The following TSGA10 variants were observed in gnomAD, a reference collection of about 807,000 sequenced individuals.
TSGA10 encodes the protein testis specific 10, also known as testis-specific gene 10 protein.
In TSGA10, 43 loss-of-function variants were observed where a neutral mutation model predicts 96.6. The observed-to-expected ratio is 0.44, with a 90% CI of 0.35 to 0.57. The LOEUF is 0.57. Ranked by LOEUF, TSGA10 falls within the 20% of genes least tolerant of loss-of-function variation. The pLI is 0.01. For missense variants in TSGA10, 703 were observed against 834.4 expected (o/e 0.84, Z 1.94); for synonymous variants, 229 against 269.9 (o/e 0.85, Z 1.48).
rs531091500 is a variant in TSGA10 at position 99,130,407 on chromosome 2, G to A, written c.-620-3231C>T. On this transcript the variant is annotated intron_variant, in intron 1 of 20. Coordinates refer to ENST00000393483, the MANE Select transcript of TSGA10 (RefSeq NM_025244.4). ...GATGAGCTTTTTTTCATGTTTGTTC[G>A]CTGCATAAATGTCTTCTTTTGAGAA... is the stretch of plus-strand genomic sequence containing the variant. Among the ~76,000 whole-genome samples the A allele has an allele frequency of 4.6e-5, 7 of 152,158 alleles. No individual in the cohort carries two copies. In the South Asian group the frequency reaches 6.2e-4, roughly 14 times the overall value.
At chr2:99,153,785 G>A (rs996679334) in intron 1 of TSGA10, among the ~76,000 whole-genome samples, 9 of 152,156 alleles carry the variant, frequency 5.9e-5, no homozygotes, top group African/African-American at 2.2e-4. Flanking sequence ...AAAGAAAGGA[G>A]GTGTCATTAT....
rs547332223 is a variant in TSGA10 at position 99,028,088 on chromosome 2, C to G, written c.1614+7142G>C. The stretch of plus-strand genomic sequence containing the variant: ...TTTACACAGTCATTCTAGCCCCTCC[C>G]GCTAGGATGCAATGGATTTAGCCAG... On this transcript the variant is annotated intron_variant, in intron 17 of 20. Coordinates refer to ENST00000393483, the MANE Select transcript of TSGA10 (RefSeq NM_025244.4). 2.5e-3 allele frequency among the ~76,000 whole-genome samples: 388 copies of G among 152,274 alleles called. 6 individuals are homozygous for G. The highest frequency in any genetic ancestry group is 4.1e-3 in the East Asian group (21 of 5,182).
intron 1 of TSGA10, among the ~76,000 whole-genome samples, chr2:99,144,700 T>C (rs2093614615): frequency 6.9e-6 from 1 of 144,016 alleles, no homozygotes; most frequent in South Asian, 2.3e-4. Context: ...ATAAGTCTGG[T>C]CTCTGTTACT....
chr2:99,023,043 C>T (rs151157097), intron 17 of TSGA10, among the ~76,000 whole-genome samples: 1,632 of 152,122 alleles, frequency 0.011, 9 homozygotes, highest in Middle Eastern at 0.027. Context: ...TTTTTTGAGA[C>T]AAGGTCTCAT....
chr2:99,141,250 C>T (rs1415530280), intron 1 of TSGA10: 5 of 912,696 alleles, frequency 5.5e-6, no homozygotes, highest in African/African-American at 1.8e-5. Context: ...GGCCCCGCCC[C>T]GGCGGATCGG....
intron 16 of TSGA10, among the ~76,000 whole-genome samples, chr2:99,062,507 G>A (rs933267014): frequency 6.6e-6 from 1 of 152,144 alleles, no homozygotes; most frequent in Non-Finnish European, 1.5e-5. Context: ...AGGTTGAGGT[G>A]GGAGGATCAC....
chr2:99,085,681 C>A (rs924940267), intron 10 of TSGA10, among the ~76,000 whole-genome samples: 8 of 121,492 alleles, frequency 6.6e-5, no homozygotes, highest in Non-Finnish European at 6.7e-5. Context: ...CTAAAAGACA[C>A]TGCTAGATAT....
chr2:99,011,746 A>G (rs1449879821), intron 20 of TSGA10, among the ~76,000 whole-genome samples: 2 of 152,138 alleles, frequency 1.3e-5, no homozygotes, highest in African/African-American at 2.4e-5. Flanking sequence ...ACATGTGTAT[A>G]TAAGAAAACA....
intron 4 of TSGA10, among the ~76,000 whole-genome samples, chr2:99,113,457 C>T (rs2091983472): frequency 6.6e-6 from 1 of 152,186 alleles, no homozygotes. Context: ...AGGAACAGGC[C>T]TCCTGCCAAT....
At position 99,035,252 on chromosome 2, in the gene TSGA10, G is replaced by C. The variant is rs1218518310; in HGVS notation, c.1592C>G (p.Ala531Gly). ...TACCATTTCTATTTCTTGATCTTTA[G>C]CAACCAGCTGTCGATTAAGAAGTTC... ...SKELLNRQLVAKDQEIEMREN... is the reference protein window; with the variant it reads ...SKELLNRQLVGKDQEIEMREN... Residue 531 changes from alanine to glycine, a missense_variant, in exon 17 of 21, where the codon GCT (alanine) becomes GGT (glycine). Around this residue, in one of 3 missense-constraint regions of TSGA10, gnomAD observed 585 missense variants for 656.8 expected, o/e 0.89. Transcript: ENST00000393483. The C allele has an allele frequency of 6.2e-7, 1 of 1,608,350 alleles. No individual in the cohort carries two copies. Among genetic ancestry groups the C allele is most frequent in the Admixed American group, 1.7e-5 (1 of 59,786 alleles).
intron 1 of TSGA10, among the ~76,000 whole-genome samples, chr2:99,146,461 A>C (rs2093633137): frequency 6.7e-6 from 1 of 148,682 alleles, no homozygotes; most frequent in African/African-American, 2.5e-5. Context: ...TTTTCATTGA[A>C]TAGAAATTCT....
intron 11 of TSGA10, 25 bp from the exon 12 acceptor site, chr2:99,078,838 T>C: frequency 6.4e-7 from 1 of 1,568,242 alleles, no homozygotes; most frequent in Non-Finnish European, 8.6e-7. Flanking sequence ...ATAAAAGTGT[T>C]GTTTTAATCA....
chr2:99,008,604 A>T (rs13405407), intron 20 of TSGA10, among the ~76,000 whole-genome samples: 6,109 of 152,280 alleles, frequency 0.04, 200 homozygotes, highest in African/African-American at 0.082. Context: ...TGCAAAATGG[A>T]GGGGAATGTG....
Position 99,081,354 on chromosome 2 carries a change from G to A in TSGA10, c.655C>T (p.Arg219Ter), listed in dbSNP as rs755699177. The change falls in exon 11 of 21, where the codon CGA becomes TGA. Residue 219 changes from arginine to a stop codon, truncating the protein, a stop_gained. Coordinates refer to ENST00000393483, the MANE Select transcript of TSGA10 (RefSeq NM_025244.4). LOFTEE classifies it high-confidence loss of function. ...NTEKDLSDTQ[R>*]HLAKKKYELQ... ...TCATATTTTTTCTTAGCAAGGTGTC[G>A]CTGAGTATCAGAAAGATCTTTTTCT... The A allele has an allele frequency of 2.5e-6, 4 of 1,593,080 alleles. No individual in the cohort carries two copies. Among genetic ancestry groups the A allele is most frequent in the Admixed American group, 1.7e-5 (1 of 58,116 alleles).
chr2:99,074,380 T>C (rs937119469), intron 12 of TSGA10, among the ~76,000 whole-genome samples: 5 of 90,942 alleles, frequency 5.5e-5, no homozygotes, highest in Non-Finnish European at 1.1e-4. Flanking sequence ...GTGTGTGCTA[T>C]CTTCCTTTAT....
At chr2:99,064,013 A>T (rs2084978932) in intron 16 of TSGA10, among the ~76,000 whole-genome samples, 1 of 152,184 alleles carries the variant, frequency 6.6e-6, no homozygotes, top group African/African-American at 2.4e-5. Context: ...AATATCAAGT[A>T]TTGATTCACA....
chr2:99,027,284 T>C (rs2080700557), intron 17 of TSGA10, among the ~76,000 whole-genome samples: 1 of 152,068 alleles, frequency 6.6e-6, no homozygotes, highest in Admixed American at 6.5e-5. Context: ...TCATGCTAAA[T>C]GAAATAAGCC....
chr2:99,031,831 A>C (rs1263834624), intron 17 of TSGA10, among the ~76,000 whole-genome samples: 1 of 152,212 alleles, frequency 6.6e-6, no homozygotes, highest in African/African-American at 2.4e-5. Context: ...ATTGTGTTCC[A>C]CAGGCAAGGG....
At chr2:99,141,065 C>A (rs1168705081) in intron 1 of TSGA10, 1 of 1,278,008 alleles carries the variant, frequency 7.8e-7, no homozygotes, top group Non-Finnish European at 1.0e-6. Context: ...CCACCCCGCG[C>A]ACCTCCGCAG....
Sources: gnomAD v4.1 joint callset for allele counts (sites outside exome capture counted in the v4.1 genomes callset) on GRCh38, gnomAD v4.1.1 for gene constraint, gnomAD v4.1.1 regional missense constraint, MANE v1.5 for transcripts, NCBI Gene and HGNC (gene_info 2026-07-23, HGNC 2026-07-21) for gene names.